The following NCAM1 variants were observed in gnomAD, a reference collection of about 807,000 sequenced individuals.
The protein encoded by NCAM1 is antigen recognized by monoclonal antibody 5.1H11.
A neutral mutation model predicts 109.8 loss-of-function variants in NCAM1; 14 were observed. That is an observed-to-expected ratio of 0.13 (90% CI 0.08 to 0.20). NCAM1 has a LOEUF of 0.20. NCAM1 is among the 10% of genes least tolerant of loss of function. NCAM1 has a pLI of 1.00. For synonymous variants in NCAM1, 418 were observed against 442.9 expected (o/e 0.94, Z 0.70); for missense variants, 774 against 1,109.9 (o/e 0.70, Z 4.30).
intron 1 of NCAM1, among the ~76,000 whole-genome samples, chr11:112,992,162 C>G (rs181847693): frequency 5.3e-5 from 8 of 151,934 alleles, no homozygotes; most frequent in Non-Finnish European, 1.2e-4. Flanking sequence ...CTTAAAGAAG[C>G]CTGTTATTCA....
intron 1 of NCAM1, among the ~76,000 whole-genome samples, chr11:113,125,532 T>G (rs1046809007): frequency 1.3e-5 from 2 of 152,092 alleles, no homozygotes; most frequent in Admixed American, 6.6e-5. Context: ...GATCCAAGAG[T>G]GGCCCTTTAC....
chr11:113,057,773 A>G (rs1953764301), intron 1 of NCAM1, among the ~76,000 whole-genome samples: 1 of 152,256 alleles, frequency 6.6e-6, no homozygotes, highest in South Asian at 2.1e-4. Context: ...CAGGTTTACC[A>G]TGGAGGAAGA....
rs546309027 is a variant in NCAM1, at chr11:113,176,569, C to A, written c.53-25810C>A. On this transcript the variant is annotated intron_variant, in intron 1 of 19. Transcript: ENST00000316851. ...ATCTGGTCTACTCTGAGGTCACATC[C>A]CCACCTCAGAGAACACCCACTAGCC... Among the ~76,000 whole-genome samples, 9 of 152,244 alleles carry A rather than the reference C, an allele frequency of 5.9e-5. No individual in the cohort carries two copies. The East Asian group carries it at 1.7e-3, about 29-fold the overall frequency.
intron 17 of NCAM1, among the ~76,000 whole-genome samples, chr11:113,267,293 C>T (rs1946150765): frequency 6.6e-6 from 1 of 152,146 alleles, no homozygotes; most frequent in Admixed American, 6.5e-5. Context: ...ACAAGAGAGA[C>T]AGGCAGGGTA....
chr11:113,034,237 A>G (rs1555078772), intron 1 of NCAM1, among the ~76,000 whole-genome samples: 1 of 151,664 alleles, frequency 6.6e-6, no homozygotes, highest in Non-Finnish European at 1.5e-5. Flanking sequence ...TGGGCAAAGA[A>G]ACTCTTCCCC....
intron 1 of NCAM1, among the ~76,000 whole-genome samples, chr11:113,145,770 T>C (rs368389593): frequency 6.7e-6 from 1 of 149,706 alleles, no homozygotes; most frequent in African/African-American, 2.5e-5. Context: ...CCCACTTTCC[T>C]CCACCCCCTG....
Position 113,233,235 on chromosome 11 carries a change from G to C in NCAM1, c.1611G>C (p.Gly537=). ...VQFDEPEATG[G]VPILKYKAEW... ...TTGATGAACCAGAGGCCACAGGTGG[G>C]GTGCCCATCCTCAAATACAAAGCTG... is the stretch of plus-strand genomic sequence containing the variant. Residue 537 remains glycine (G), a synonymous_variant, in exon 13 of 20, where the codon GGG becomes GGC. Transcript: ENST00000316851. This position sits in a 1 kb window ranked among gnomAD's most constrained non-coding sequence, Gnocchi z 4.5. 6.2e-7 allele frequency: 1 copy of C among 1,613,784 alleles called. No individual in the cohort carries two copies. The highest frequency in any genetic ancestry group is 8.5e-7 in the Non-Finnish European group (1 of 1,179,840).
chr11:113,134,559 G>T (rs558770962), intron 1 of NCAM1, among the ~76,000 whole-genome samples: 115 of 152,234 alleles, frequency 7.6e-4, no homozygotes, highest in Non-Finnish European at 1.3e-3. Context: ...GCCAAGCCAA[G>T]CATTAGTGGC....
chr11:113,244,924 A>C (rs1945456107), intron 14 of NCAM1, among the ~76,000 whole-genome samples: 1 of 152,144 alleles, frequency 6.6e-6, no homozygotes, highest in Non-Finnish European at 1.5e-5. Flanking sequence ...TTTACACAGA[A>C]AGGTGTCTTC....
chr11:113,230,892 C>G (rs141630536), intron 9 of NCAM1, among the ~76,000 whole-genome samples: 1 of 152,302 alleles, frequency 6.6e-6, no homozygotes, highest in East Asian at 1.9e-4. Context: ...TGCTTATTCT[C>G]TTTTTGACCA....
intron 1 of NCAM1, among the ~76,000 whole-genome samples, chr11:113,192,992 C>T (rs1283989160): frequency 1.3e-5 from 2 of 152,302 alleles, no homozygotes; most frequent in East Asian, 3.9e-4. Context: ...CTCCTCAGTG[C>T]ATGAGGCTGC....
At chr11:113,194,653 T>C (rs1943801021) in intron 1 of NCAM1, among the ~76,000 whole-genome samples, 1 of 152,208 alleles carries the variant, frequency 6.6e-6, no homozygotes, top group Non-Finnish European at 1.5e-5. Context: ...AAAATGAACC[T>C]ACCAAGAGTC....
intron 2 of NCAM1, among the ~76,000 whole-genome samples, chr11:113,203,204 A>C (rs1473172650): frequency 6.6e-6 from 1 of 152,198 alleles, no homozygotes; most frequent in African/African-American, 2.4e-5. Context: ...ACATTTAGCA[A>C]GCAGCTTTTG....
rs1945821660 is a variant in NCAM1 at position 113,255,957 on chromosome 11, G to T, written c.1909G>T (p.Asp637Tyr). The T allele has an allele frequency of 6.2e-7, 1 of 1,607,122 alleles. No homozygotes were observed. Residue 637 changes from aspartate (D) to tyrosine (Y), a missense_variant, in exon 16 of 20, where the codon GAC becomes TAC. Physicochemically the swap from Asp to Tyr is radical, Grantham distance 160 (BLOSUM62 -3). Coordinates refer to ENST00000316851, the MANE Select transcript of NCAM1 (RefSeq NM_181351.5). ...TAAAGTGAACCTGATCAAGCAGGAT[G>T]ACGGCGGCTCCCCCATCAGACACTA... The part of the protein sequence containing the change: ...SIKVNLIKQD[D>Y]GGSPIRHYLV...
At chr11:113,242,120 G>A (rs1282222617) in intron 14 of NCAM1, among the ~76,000 whole-genome samples, 1 of 152,240 alleles carries the variant, frequency 6.6e-6, no homozygotes, top group Non-Finnish European at 1.5e-5. Flanking sequence ...CCTCTAAGGT[G>A]AAGGATGGAT....
intron 1 of NCAM1, among the ~76,000 whole-genome samples, chr11:113,017,867 G>T (rs1555075541): frequency 6.6e-6 from 1 of 152,010 alleles, no homozygotes; most frequent in East Asian, 1.9e-4. Flanking sequence ...AAGTGATCTT[G>T]GCCTATCTAA....
intron 1 of NCAM1, among the ~76,000 whole-genome samples, chr11:113,026,158 G>A (rs1199517731): frequency 1.3e-5 from 2 of 152,154 alleles, no homozygotes; most frequent in African/African-American, 2.4e-5. Flanking sequence ...AAACTCCAGG[G>A]CCTTCTTAGA....
intron 1 of NCAM1, among the ~76,000 whole-genome samples, chr11:112,973,496 T>C (rs781923066): frequency 2.6e-5 from 4 of 152,286 alleles, no homozygotes; most frequent in Admixed American, 6.5e-5. Flanking sequence ...TTGGAGGCAG[T>C]GCATACTGCA....
chr11:113,191,996 A>G (rs572950138), intron 1 of NCAM1, among the ~76,000 whole-genome samples: 2 of 152,324 alleles, frequency 1.3e-5, no homozygotes, highest in African/African-American at 2.4e-5. Context: ...CTGAATTTCT[A>G]TTTTCTGAAT....
Sources: allele counts gnomAD v4.1 joint callset (sites outside exome capture counted in the v4.1 genomes callset), GRCh38; gene constraint gnomAD v4.1.1; non-coding constraint Gnocchi (gnomAD v3.1); transcripts MANE v1.5; gene names NCBI Gene and HGNC (gene_info 2026-07-23, HGNC 2026-07-21).